FMN1: variants seen among roughly 807,000 people sequenced by gnomAD.
FMN1 encodes the protein formin-1.
In FMN1, 110 loss-of-function variants were observed where a neutral mutation model predicts 132.4. That is an observed-to-expected ratio of 0.83 (90% CI 0.71 to 0.97). The LOEUF is 0.97. Ranked by LOEUF, FMN1 falls within the 50% of genes least tolerant of loss-of-function variation. The probability of loss-of-function intolerance (pLI) is 0.00; values close to 1 mark genes in which losing one functional copy is unlikely to be tolerated. For synonymous variants in FMN1, 722 were observed against 651.7 expected (o/e 1.11, Z -1.64); for missense variants, 1,792 against 1,705.3 (o/e 1.05, Z -0.90).
At chr15:32,995,700 A>T (rs927691283) in intron 7 of FMN1, among the ~76,000 whole-genome samples, 5 of 152,236 alleles carry the variant, frequency 3.3e-5, no homozygotes, top group Admixed American at 6.5e-5. Flanking sequence ...AAGTGTAAGA[A>T]GCCAAGTTAT....
chr15:32,793,560 C>A (rs1456415398), intron 19 of FMN1, among the ~76,000 whole-genome samples: 1 of 152,194 alleles, frequency 6.6e-6, no homozygotes, highest in Non-Finnish European at 1.5e-5. Context: ...GGATTACAGG[C>A]ATGAGCCACT....
intron 16 of FMN1, among the ~76,000 whole-genome samples, chr15:32,883,218 G>A (rs1378569406): frequency 6.6e-6 from 1 of 152,152 alleles, no homozygotes; most frequent in Non-Finnish European, 1.5e-5. Context: ...TCAAGGGTAA[G>A]ATCAGGTCCA....
chr15:32,968,564 A>G, intron 8 of FMN1, 150 bp downstream of exon 8: 3 of 1,219,894 alleles, frequency 2.5e-6, no homozygotes, highest in Non-Finnish European at 3.3e-6. Flanking sequence ...ATCTCCCCAA[A>G]CATCCCAACA....
intron 7 of FMN1, among the ~76,000 whole-genome samples, chr15:32,982,561 A>G (rs557564205): frequency 9.2e-5 from 14 of 152,300 alleles, no homozygotes; most frequent in Non-Finnish European, 1.8e-4. Flanking sequence ...TTGGCCAAAC[A>G]TTATTCTGGA....
chr15:33,025,935 T>G (rs76957225), intron 6 of FMN1, among the ~76,000 whole-genome samples: 2,279 of 152,266 alleles, frequency 0.015, 47 homozygotes, highest in African/African-American at 0.053. Context: ...TTTTCCTACA[T>G]TAAACTAGAG....
chr15:32,810,872 G>A (rs1224250358), intron 17 of FMN1: 1 of 436,584 alleles, frequency 2.3e-6, no homozygotes, highest in East Asian at 7.0e-5. Flanking sequence ...GACATGGTTG[G>A]TATAAACCAA....
In FMN1 at chr15:33,065,060, C is replaced by G; in HGVS notation, c.2058G>C (p.Leu686=). ...LYLDLHPDHS[L]TEQDDRTPGR... ...CAGGAGTCCTGTCATCCTGCTCAGT[C>G]AGGCTGTGGTCAGGCTGTTGAAAGA... Residue 686 remains leucine (L), a synonymous_variant, in exon 6 of 21, where the codon CTG becomes CTC. Coordinates refer to ENST00000616417, the MANE Select transcript of FMN1 (RefSeq NM_001277313.2). The G allele has an allele frequency of 3.1e-6, 5 of 1,609,670 alleles. No individual in the cohort carries two copies. The highest frequency in any genetic ancestry group is 4.2e-6 in the Non-Finnish European group (5 of 1,177,810).
At chr15:33,011,699 C>A (rs1218623560) in intron 6 of FMN1, among the ~76,000 whole-genome samples, 4 of 151,680 alleles carry the variant, frequency 2.6e-5, no homozygotes, top group Non-Finnish European at 5.9e-5. Context: ...AATATACTTG[C>A]AACACCATCA....
chr15:32,892,519 C>A (rs1331278626), intron 15 of FMN1, among the ~76,000 whole-genome samples: 1 of 152,084 alleles, frequency 6.6e-6, no homozygotes, highest in African/African-American at 2.4e-5. Context: ...CTGTAGTTTT[C>A]GTTTTTGGTT....
At chr15:32,888,823 C>A (rs1208593102) in intron 15 of FMN1, among the ~76,000 whole-genome samples, 1 of 142,404 alleles carries the variant, frequency 7.0e-6, no homozygotes, top group African/African-American at 2.6e-5. Context: ...TGATCAGATT[C>A]TTTGTATATG....
chr15:33,155,573 A>C (rs1183041899), intron 3 of FMN1, among the ~76,000 whole-genome samples: 2 of 152,264 alleles, frequency 1.3e-5, no homozygotes, highest in African/African-American at 4.8e-5. Context: ...GAAAGATCTT[A>C]GGCCCCAAAT....
At chr15:32,841,202 T>C (rs1032088668) in intron 17 of FMN1, among the ~76,000 whole-genome samples, 1 of 152,224 alleles carries the variant, frequency 6.6e-6, no homozygotes, top group African/African-American at 2.4e-5. Flanking sequence ...CTTAGATGCC[T>C]CTTGGATATT....
intron 7 of FMN1, among the ~76,000 whole-genome samples, chr15:33,006,262 C>T (rs2034409411): frequency 1.3e-5 from 2 of 151,980 alleles, no homozygotes; most frequent in Non-Finnish European, 2.9e-5. Flanking sequence ...AGAAGACATA[C>T]AAAAGGGTCA....
intron 9 of FMN1, among the ~76,000 whole-genome samples, chr15:32,949,126 T>G (rs962881260): frequency 1.3e-5 from 2 of 152,130 alleles, no homozygotes; most frequent in Admixed American, 1.3e-4. Context: ...CCATTATAAT[T>G]ACTTTCTTAA....
intron 7 of FMN1, among the ~76,000 whole-genome samples, chr15:33,004,758 A>C (rs139040195): frequency 0.015 from 2,326 of 152,314 alleles, 20 homozygotes; most frequent in South Asian, 0.027. Context: ...TTGTGGCACT[A>C]TTCACAATAG....
intron 19 of FMN1, among the ~76,000 whole-genome samples, chr15:32,782,037 A>G (rs1454542739): frequency 1.3e-5 from 2 of 152,218 alleles, no homozygotes; most frequent in East Asian, 3.8e-4. Context: ...CTTAAGTGTC[A>G]AAGTCATGAA....
intron 17 of FMN1, among the ~76,000 whole-genome samples, chr15:32,850,919 C>T (rs777896382): frequency 2.6e-4 from 40 of 151,904 alleles, no homozygotes; most frequent in Non-Finnish European, 3.2e-4. Context: ...TCTAGCCAGG[C>T]GTGGTGGCAG....
chr15:32,971,632 C>G (rs1454347984), intron 7 of FMN1, among the ~76,000 whole-genome samples: 1 of 152,218 alleles, frequency 6.6e-6, no homozygotes, highest in African/African-American at 2.4e-5. Flanking sequence ...AACTAACTCT[C>G]AGCTGTTATT....
At chr15:33,123,273 A>C (rs1055250454) in intron 4 of FMN1, among the ~76,000 whole-genome samples, 3 of 151,956 alleles carry the variant, frequency 2.0e-5, no homozygotes, top group African/African-American at 7.3e-5. Context: ...TAATCTTTCC[A>C]AATCAAAACT....
Sources: allele counts gnomAD v4.1 joint callset (sites outside exome capture counted in the v4.1 genomes callset), GRCh38; gene constraint gnomAD v4.1.1; transcripts MANE v1.5; gene names NCBI Gene and HGNC (gene_info 2026-07-23, HGNC 2026-07-21).